Variants in C1QTNF6 observed in about 807,000 individuals in gnomAD.
The protein encoded by C1QTNF6 is C1q and TNF related 6, also known as complement C1q tumor necrosis factor-related protein 6.
Under a neutral mutation model 20.7 loss-of-function variants are expected in C1QTNF6, and 17 were observed. The observed-to-expected ratio is 0.82, with a 90% confidence interval of 0.56 to 1.23. C1QTNF6 has a LOEUF of 1.23. Among genes scored for constraint, C1QTNF6 ranks in the 50% most tolerant of loss-of-function variants. The probability of loss-of-function intolerance (pLI) is 0.00; values close to 1 mark genes in which losing one functional copy is unlikely to be tolerated. For synonymous variants in C1QTNF6, 130 were observed against 156.3 expected (o/e 0.83, Z 1.25); for missense variants, 329 against 389.7 (o/e 0.84, Z 1.31).
At chr22:37,183,027 C>G in intron 2 of C1QTNF6, 1 of 763,054 alleles carries the variant, frequency 1.3e-6, no homozygotes, top group African/African-American at 1.9e-5. Flanking sequence ...CTTGACTTCC[C>G]CTCACCCAGC....
Position 37,182,730 on chromosome 22 carries a change from T to G in C1QTNF6, c.295A>C (p.Lys99Gln). The G allele has an allele frequency of 6.2e-7, 1 of 1,602,308 alleles. No individual in the cohort carries two copies. The highest frequency in any genetic ancestry group is 1.1e-5 in the South Asian group (1 of 89,820). ...AGGCCCATTGGGCCTGGGTCCCCTT[T>G]GTCACCTGTGGGGATAAAAAGGGGA... ...YINITILKGD[K>Q]GDPGPMGLPG... is the part of the protein sequence containing the mutation. Residue 99 changes from lysine (K) to glutamine (Q), a missense_variant, in exon 3 of 3, where the codon AAA becomes CAA. By Grantham distance (53) the Lys-to-Gln change is moderately conservative. Transcript: ENST00000337843.
rs774828463 is a variant in C1QTNF6 at position 37,184,384 on chromosome 22, T to C, written c.289+834A>G. 4.2e-6 allele frequency: 3 copies of C among 717,278 alleles called. No individual in the cohort carries two copies. In the South Asian group the frequency reaches 4.4e-5, roughly 11 times the overall value. The allele number at this position is 717,278 out of a possible 1,614,324, so 44.4% of individuals were successfully genotyped here. ...GACGGACGCTAAGGATGTCAAGGCC[T>C]GGTCACAGCCGTCAGCCACCACAGC... On this transcript the variant is annotated intron_variant, in intron 2 of 2. Coordinates refer to ENST00000337843, the MANE Select transcript of C1QTNF6 (RefSeq NM_031910.4). This position sits in a 1 kb window ranked among gnomAD's most constrained non-coding sequence, Gnocchi z 4.0.
intron 1 of C1QTNF6, chr22:37,196,194 A>C (rs1925123402): frequency 6.6e-6 from 1 of 152,280 alleles, no homozygotes; most frequent in Non-Finnish European, 1.5e-5. Flanking sequence ...GAATTCTGCC[A>C]TTGTTACTGA....
At chr22:37,189,409 T>A (rs1229461716), upstream of C1QTNF6, among the ~76,000 whole-genome samples, 1 of 152,172 alleles carries the variant, frequency 6.6e-6, no homozygotes, top group Non-Finnish European at 1.5e-5. Context: ...GAATGCAGCC[T>A]GGCAGGTCTT....
rs183815796 is a variant in C1QTNF6, at chr22:37,184,361, C to T, written c.289+857G>A. On this transcript the variant is annotated intron_variant, in intron 2 of 2. Transcript: ENST00000337843. This position sits in a 1 kb window ranked among gnomAD's most constrained non-coding sequence, Gnocchi z 4.0. The stretch of plus-strand genomic sequence containing the variant: ...CCTCACGGGCTGTTGTGGGCAGAGA[C>T]GGACGCTAAGGATGTCAAGGCCTGG... 98 of 717,230 alleles carry T rather than the reference C, an allele frequency of 1.4e-4. 1 individual carries two copies. Among genetic ancestry groups the T allele is most frequent in the Admixed American group, 1.0e-3 (50 of 50,016 alleles). The allele number at this position is 717,230 out of a possible 1,614,324, so 44.4% of individuals were successfully genotyped here. A position where few individuals can be genotyped will look rare whatever the true frequency, so the allele number is the denominator to read the frequency against.
intron 2 of C1QTNF6, among the ~76,000 whole-genome samples, chr22:37,194,607 A>C (rs1601640647): frequency 6.6e-6 from 1 of 152,204 alleles, no homozygotes; most frequent in East Asian, 1.9e-4. Flanking sequence ...ATTTCATGGA[A>C]CCACAGGCAA....
At chr22:37,186,824 AT>A (rs981730243) in intron 1 of C1QTNF6, among the ~76,000 whole-genome samples, 1 of 151,960 alleles carries the variant, frequency 6.6e-6, no homozygotes, top group Non-Finnish European at 1.5e-5. Flanking sequence ...ATTCAAAAAT[AT>A]TTTTTTTGTG....
intron 1 of C1QTNF6, among the ~76,000 whole-genome samples, chr22:37,187,099 C>T (rs1016387579): frequency 2.6e-5 from 4 of 152,208 alleles, no homozygotes; most frequent in South Asian, 2.1e-4. Context: ...AGGAGCCCTG[C>T]CCCCCACCCC....
chr22:37,182,506 A>G lies in C1QTNF6; in HGVS notation c.519T>C (p.Asp173=). The part of the protein sequence containing the change: ...LLFERVFVNL[D]GCFDMATGQF... The stretch of plus-strand genomic sequence containing the variant: ...GGCCGGTCGCCATGTCAAAGCACCC[A>G]TCAAGGTTCACAAAGACCCTTTCGA... Residue 173 remains aspartate, a synonymous_variant, in exon 3 of 3, where the codon GAT becomes GAC. Coordinates refer to ENST00000337843, the MANE Select transcript of C1QTNF6 (RefSeq NM_031910.4). The G allele has an allele frequency of 1.2e-6, 2 of 1,614,270 alleles. No homozygotes were observed. Among genetic ancestry groups the G allele is most frequent in the African/African-American group, 1.3e-5 (1 of 75,076 alleles).
upstream of C1QTNF6, among the ~76,000 whole-genome samples, chr22:37,192,549 C>G (rs766569344): frequency 1.6e-4 from 25 of 152,192 alleles, no homozygotes; most frequent in Non-Finnish European, 2.9e-4. Context: ...AGGCATTTAG[C>G]AAACCTAAAA....
rs375717787 is a variant in C1QTNF6 at position 37,185,439 on chromosome 22, G to A, written c.68C>T (p.Ala23Val). 15 of 1,605,682 alleles carry A rather than the reference G, an allele frequency of 9.3e-6. No individual in the cohort carries two copies. Among genetic ancestry groups the A allele is most frequent in the Non-Finnish European group, 1.3e-5 (15 of 1,175,414 alleles). ...CGCTGCCCAGACGGGACCCAGGGCG[G>A]CTGTCCCCATGGTGACCTGGAACAA... ...ATGHRVTMGTAALGPVWAALL... is the reference protein window; with the variant it reads ...ATGHRVTMGTVALGPVWAALL... The change falls in exon 2 of 3, where the codon GCC becomes GTC. Residue 23 changes from alanine (A) to valine (V), a missense_variant. By Grantham distance (64) the Ala-to-Val change is moderately conservative (BLOSUM62 0). Transcript: ENST00000337843.
chr22:37,181,901 G>A lies in C1QTNF6; in HGVS notation c.*287C>T. On this transcript the variant is annotated 3_prime_UTR_variant, in exon 3 of 3. Transcript: ENST00000337843. The stretch of plus-strand genomic sequence containing the variant: ...GAATCTGCATTTAACACGAACCCCG[G>A]GTGATTCGCATGCATTTCCAAGTTT... 2.2e-6 allele frequency: 1 copy of A among 448,592 alleles called. No homozygotes were observed. The highest frequency in any genetic ancestry group is 4.0e-6 in the Non-Finnish European group (1 of 249,280). 27.8% of individuals were successfully genotyped at this position (448,592 alleles called of 1,614,324 possible).
intron 2 of C1QTNF6, among the ~76,000 whole-genome samples, chr22:37,183,952 A>G (rs1924029490): frequency 6.6e-6 from 1 of 152,192 alleles, no homozygotes; most frequent in Non-Finnish European, 1.5e-5. Context: ...GCTGGGACCC[A>G]GGACTCCCAA....
chr22:37,199,160 C>G (rs1429657426), upstream of C1QTNF6, among the ~76,000 whole-genome samples: 2 of 152,254 alleles, frequency 1.3e-5, no homozygotes, highest in African/African-American at 2.4e-5. Flanking sequence ...CCTGCTGGGG[C>G]GTGCGGCTGG....
rs763392569 is a variant in C1QTNF6 at position 37,182,667 on chromosome 22, G to C, written c.358C>G (p.Pro120Ala). 1.9e-6 allele frequency: 3 copies of C among 1,612,896 alleles called. No homozygotes were observed. The highest frequency in any genetic ancestry group is 2.7e-5 in the African/African-American group (2 of 74,914). Residue 120 changes from proline to alanine, a missense_variant, in exon 3 of 3, where the codon CCT (proline) becomes GCT (alanine). Transcript: ENST00000337843. Reference sequence around the variant, plus strand: ...TCACCCTTGCTGCCCTGAGGGCCAGGCTCCCCTTGGGGACCCTCCCTGCCC... The same window carrying C: ...TCACCCTTGCTGCCCTGAGGGCCAGCCTCCCCTTGGGGACCCTCCCTGCCC... ...YMGREGPQGE[P>A]GPQGSKGDKG... is the part of the protein sequence containing the mutation.
intron 1 of C1QTNF6, among the ~76,000 whole-genome samples, chr22:37,187,693 C>A (rs934839695): frequency 1.8e-4 from 9 of 51,010 alleles, no homozygotes; most frequent in African/African-American, 5.1e-4. Flanking sequence ...TTGGCCCCAG[C>A]GGATGGGAGT....
At chr22:37,188,794 T>C (rs1408302985), upstream of C1QTNF6, among the ~76,000 whole-genome samples, 1 of 152,222 alleles carries the variant, frequency 6.6e-6, no homozygotes, top group East Asian at 1.9e-4. Flanking sequence ...AACCCATGTT[T>C]GTTGGGTGAA....
rs754139692 is a variant in C1QTNF6 at position 37,184,450 on chromosome 22, C to T, written c.289+768G>A. 2.9e-5 allele frequency: 21 copies of T among 716,804 alleles called. No individual in the cohort carries two copies. Among genetic ancestry groups the T allele is most frequent in the Middle Eastern group, 2.4e-4 (1 of 4,196 alleles). The allele number at this position is 716,804 out of a possible 1,614,324, so 44.4% of individuals were successfully genotyped here. A position where few individuals can be genotyped will look rare whatever the true frequency, so the allele number is the denominator to read the frequency against. ...GTCCTTCCACGTCCTATTGAGAGAG[C>T]GGGTAGCCAGCCCGCACCTGGACGG... On this transcript the variant is annotated intron_variant, in intron 2 of 2. Transcript: ENST00000337843. The surrounding 1 kb of genome is among the most constrained non-coding windows in gnomAD (Gnocchi z 4.0).
intron 1 of C1QTNF6, 135 bp downstream of exon 1, chr22:37,188,028 G>T: frequency 1.1e-6 from 1 of 888,210 alleles, no homozygotes; most frequent in Non-Finnish European, 1.7e-6. Flanking sequence ...AAATGTGGAG[G>T]GGAGAGCCTG....
Sources: allele counts gnomAD v4.1 joint callset (sites outside exome capture counted in the v4.1 genomes callset), GRCh38; gene constraint gnomAD v4.1.1; non-coding constraint Gnocchi (gnomAD v3.1); transcripts MANE v1.5; gene names NCBI Gene and HGNC (gene_info 2026-07-23, HGNC 2026-07-21).